The following ANP32A variants were observed in gnomAD, a reference collection of about 807,000 sequenced individuals.
The protein encoded by ANP32A is acidic leucine-rich nuclear phosphoprotein 32 family member A.
Under a neutral mutation model 33.9 loss-of-function variants are expected in ANP32A, and 1 was observed. That is an observed-to-expected ratio of 0.03 (90% CI 0.01 to 0.14). The LOEUF (loss-of-function observed/expected upper bound fraction) is 0.14, where lower values mean the gene tolerates loss of function less well. Ranked by LOEUF, ANP32A falls within the 10% of genes least tolerant of loss-of-function variation. The pLI is 1.00. For synonymous variants in ANP32A, 115 were observed against 120.5 expected, an observed-to-expected ratio of 0.95 and a Z score of 0.30; for missense variants, 155 against 306.0, an observed-to-expected ratio of 0.51 and a Z score of 3.68.
At chr15:68,805,613 C>G (rs1894208383) in intron 1 of ANP32A, among the ~76,000 whole-genome samples, 1 of 152,170 alleles carries the variant, frequency 6.6e-6, no homozygotes, top group African/African-American at 2.4e-5. Flanking sequence ...TGAATCATCC[C>G]ATGAATTCAC....
chr15:68,782,790 C>T, intron 5 of ANP32A, 166 bp downstream of exon 5: 2 of 1,293,520 alleles, frequency 1.5e-6, no homozygotes, highest in Non-Finnish European at 2.1e-6. Flanking sequence ...TCTTGTCTCC[C>T]CAGAAACAGC....
At position 68,815,883 on chromosome 15, in the gene ANP32A, G is replaced by C. The variant is rs1894373559; in HGVS notation, c.54+4815C>G. Among the ~76,000 whole-genome samples the C allele has an allele frequency of 2.0e-5, 3 of 152,224 alleles. No homozygotes were observed. The South Asian group carries it at 6.2e-4, about 31-fold the overall frequency. ...GATGATTAAGTGAGATGATCCATGA[G>C]GTGCTATGAGCATACTATGTCCCAG... is the stretch of plus-strand genomic sequence containing the variant. On this transcript the variant is annotated intron_variant, in intron 1 of 6. Coordinates refer to ENST00000465139, the MANE Select transcript of ANP32A (RefSeq NM_006305.4).
At chr15:68,810,117 G>C (rs1894292246) in intron 1 of ANP32A, among the ~76,000 whole-genome samples, 1 of 152,342 alleles carries the variant, frequency 6.6e-6, no homozygotes, top group African/African-American at 2.4e-5. Context: ...GCAGGAATGA[G>C]AGGCAGCCAG....
intron 3 of ANP32A, chr15:68,787,112 T>A: frequency 3.0e-6 from 1 of 331,898 alleles, no homozygotes; most frequent in South Asian, 3.4e-5. Context: ...ACAGCTCAGG[T>A]TTCCAAAGCT....
Position 68,779,984 on chromosome 15 carries a change from T to A in ANP32A, c.*97A>T, listed in dbSNP as rs1198304290. 1.1e-5 allele frequency: 11 copies of A among 961,774 alleles called. No homozygotes were observed. The highest frequency in any genetic ancestry group is 3.0e-5 in the Admixed American group (1 of 32,854). The allele number at this position is 961,774 out of a possible 1,614,324, so 59.6% of individuals were successfully genotyped here. On this transcript the variant is annotated 3_prime_UTR_variant, in exon 7 of 7. Coordinates refer to ENST00000465139, the MANE Select transcript of ANP32A (RefSeq NM_006305.4). ...CAGCAACGTTACAATCAGAAAAAAA[T>A]AAGTTTCAGGGGGCAGGATTGGAGG...
At chr15:68,814,250 A>G (rs1428720775) in intron 1 of ANP32A, among the ~76,000 whole-genome samples, 1 of 151,850 alleles carries the variant, frequency 6.6e-6, no homozygotes, top group Non-Finnish European at 1.5e-5. Context: ...GCTCAAGCAG[A>G]TGTCTTTCCA....
intron 1 of ANP32A, among the ~76,000 whole-genome samples, chr15:68,793,938 GA>G (rs1894030220): frequency 6.6e-6 from 1 of 152,226 alleles, no homozygotes; most frequent in Admixed American, 6.5e-5. Context: ...CTTAGAGTAA[GA>G]ACTGCTCCTT....
At chr15:68,809,179 G>A (rs1466559607) in intron 1 of ANP32A, among the ~76,000 whole-genome samples, 1 of 152,196 alleles carries the variant, frequency 6.6e-6, no homozygotes, top group African/African-American at 2.4e-5. Context: ...GCACCAAGCT[G>A]ACACACGGCA....
intron 1 of ANP32A, among the ~76,000 whole-genome samples, chr15:68,793,005 T>C (rs1275181008): frequency 6.6e-6 from 1 of 152,028 alleles, no homozygotes; most frequent in Admixed American, 6.5e-5. Flanking sequence ...ACCCCCAATC[T>C]CTCACTCTTA....
intron 5 of ANP32A, among the ~76,000 whole-genome samples, chr15:68,782,432 C>G (rs1298041968): frequency 6.6e-6 from 1 of 152,242 alleles, no homozygotes; most frequent in East Asian, 1.9e-4. Context: ...AGAGCTGGGA[C>G]TCACCCCCTC....
chr15:68,813,423 C>T (rs890961845), intron 1 of ANP32A, among the ~76,000 whole-genome samples: 3 of 152,188 alleles, frequency 2.0e-5, no homozygotes, highest in Non-Finnish European at 4.4e-5. Context: ...ATAACAGATG[C>T]CTTCACAAAT....
intron 1 of ANP32A, among the ~76,000 whole-genome samples, chr15:68,794,850 C>T (rs971431869): frequency 3.9e-5 from 6 of 152,264 alleles, no homozygotes; most frequent in Admixed American, 2.6e-4. Flanking sequence ...CATTTTACAC[C>T]GTGGCTCAGT....
chr15:68,799,290 CAG>C (rs1342605106), intron 1 of ANP32A, among the ~76,000 whole-genome samples: 1 of 152,148 alleles, frequency 6.6e-6, no homozygotes, highest in Non-Finnish European at 1.5e-5. Context: ...GAGACAGACA[CAG>C]ACAGAGAAAG....
At chr15:68,812,004 C>T (rs537595589) in intron 1 of ANP32A, among the ~76,000 whole-genome samples, 2 of 150,782 alleles carry the variant, frequency 1.3e-5, no homozygotes, top group South Asian at 2.1e-4. Flanking sequence ...GCTGGAAGTA[C>T]AGGCGTGAGC....
At chr15:68,818,448 G>A (rs980313892) in intron 1 of ANP32A, 1 of 154,106 alleles carries the variant, frequency 6.5e-6, no homozygotes, top group Middle Eastern at 6.4e-4. Context: ...TCCCTCTTTC[G>A]CTAGCTTTCT....
rs1190105848 is a variant in ANP32A, at chr15:68,820,212, GGGGAGGCGC to G, written c.54+477_54+485del. 2.0e-5 allele frequency among the ~76,000 whole-genome samples: 3 copies of G among 152,254 alleles called. No individual in the cohort carries two copies. The South Asian group carries it at 6.2e-4, about 32-fold the overall frequency. On this transcript the variant is annotated intron_variant, in intron 1 of 6. Coordinates refer to ENST00000465139, the MANE Select transcript of ANP32A (RefSeq NM_006305.4). ...AGCGAGCGAGCGAGAGAAAGGGAGG[GGGGAGGCGC>G]GGGAGGGGGGCGGAAGGGGGGATAC...
At chr15:68,784,004 A>G (rs1410645772) in intron 4 of ANP32A, among the ~76,000 whole-genome samples, 1 of 152,166 alleles carries the variant, frequency 6.6e-6, no homozygotes, top group Non-Finnish European at 1.5e-5. Context: ...AGAGTGTCTA[A>G]GTGCGGGTCA....
At chr15:68,785,089 C>T (rs1408256286) in intron 3 of ANP32A, among the ~76,000 whole-genome samples, 1 of 152,150 alleles carries the variant, frequency 6.6e-6, no homozygotes, top group East Asian at 1.9e-4. Flanking sequence ...CTCACAACCC[C>T]TGTAAGGTAG....
chr15:68,797,320 G>A (rs1894075895), intron 1 of ANP32A, among the ~76,000 whole-genome samples: 1 of 152,042 alleles, frequency 6.6e-6, no homozygotes, highest in Admixed American at 6.6e-5. Flanking sequence ...TCAGATCCAT[G>A]AGCTGACAAT....
Sources: allele counts gnomAD v4.1 joint callset (sites outside exome capture counted in the v4.1 genomes callset), GRCh38; gene constraint gnomAD v4.1.1; transcripts MANE v1.5; gene names NCBI Gene and HGNC (gene_info 2026-07-23, HGNC 2026-07-21).